SPOCK3: variants seen among roughly 807,000 people sequenced by gnomAD.
SPOCK3 encodes SPARC (osteonectin), cwcv and kazal like domains proteoglycan 3.
A neutral mutation model predicts 56.6 loss-of-function variants in SPOCK3; 30 were observed. The observed-to-expected ratio is 0.53, with a 90% CI of 0.40 to 0.72. SPOCK3 has a LOEUF of 0.72. Among genes scored for constraint, SPOCK3 ranks in the 30% least tolerant of loss-of-function variants. The probability of loss-of-function intolerance (pLI) is 0.00; values close to 1 mark genes in which losing one functional copy is unlikely to be tolerated. For synonymous variants in SPOCK3, 196 were observed against 183.3 expected, an observed-to-expected ratio of 1.07 and a Z score of -0.56; for missense variants, 527 against 530.0, an observed-to-expected ratio of 0.99 and a Z score of 0.06.
intron 6 of SPOCK3, among the ~76,000 whole-genome samples, chr4:166,809,686 T>G (rs1322059618): frequency 1.3e-5 from 2 of 152,082 alleles, no homozygotes; most frequent in Non-Finnish European, 2.9e-5. Flanking sequence ...TATGTTGATA[T>G]AATAATCAAC....
rs556824725 is a variant in SPOCK3 at position 166,964,862 on chromosome 4, A to C, written c.350+35487T>G. The stretch of plus-strand genomic sequence containing the variant: ...TATTTTTAAGCTGTCATCAGTAATA[A>C]ATATATATTAACTAAAAATAATTTG... On this transcript the variant is annotated intron_variant, in intron 4 of 10. Transcript: ENST00000357545. Among the ~76,000 whole-genome samples, 273 of 151,838 alleles carry C rather than the reference A, an allele frequency of 1.8e-3. 11 individuals are homozygous for C. In the South Asian group the frequency reaches 0.055, roughly 30 times the overall value.
intron 5 of SPOCK3, among the ~76,000 whole-genome samples, chr4:166,892,450 T>C (rs1734880245): frequency 1.3e-5 from 2 of 152,012 alleles, no homozygotes; most frequent in Non-Finnish European, 2.9e-5. Context: ...TATTTACTTA[T>C]GAATTAAAAT....
At chr4:167,034,472 G>T (rs1349007162) in intron 3 of SPOCK3, among the ~76,000 whole-genome samples, 1 of 151,996 alleles carries the variant, frequency 6.6e-6, no homozygotes, top group African/African-American at 2.4e-5. Context: ...AGATTTAAAA[G>T]CACAGTTTGA....
chr4:166,817,100 G>A (rs972209115), intron 6 of SPOCK3, among the ~76,000 whole-genome samples: 1 of 152,044 alleles, frequency 6.6e-6, no homozygotes, highest in African/African-American at 2.4e-5. Flanking sequence ...GACAGGAGCA[G>A]TCAGAGGATA....
At chr4:166,849,415 C>G (rs1220936984) in intron 6 of SPOCK3, among the ~76,000 whole-genome samples, 1 of 150,906 alleles carries the variant, frequency 6.6e-6, no homozygotes, top group Non-Finnish European at 1.5e-5. Context: ...TTTTTTTTGT[C>G]ATTAAAAGTA....
At chr4:166,898,623 G>C (rs1005764216) in intron 5 of SPOCK3, among the ~76,000 whole-genome samples, 10 of 152,112 alleles carry the variant, frequency 6.6e-5, no homozygotes, top group Admixed American at 6.6e-4. Context: ...TTCCACATCT[G>C]AATTCACATT....
intron 3 of SPOCK3, among the ~76,000 whole-genome samples, chr4:167,026,804 A>G (rs1751734119): frequency 6.6e-6 from 1 of 151,098 alleles, no homozygotes; most frequent in Non-Finnish European, 1.5e-5. Context: ...TTGAAAAGTA[A>G]GTTCTGGCAT....
intron 2 of SPOCK3, among the ~76,000 whole-genome samples, chr4:167,190,492 G>A (rs1287850832): frequency 1.4e-5 from 2 of 146,166 alleles, no homozygotes; most frequent in East Asian, 2.1e-4. Flanking sequence ...TGAGTTGCAT[G>A]CATTCTTTAC....
intron 6 of SPOCK3, among the ~76,000 whole-genome samples, chr4:166,860,387 A>C (rs531395609): frequency 6.6e-6 from 1 of 152,196 alleles, no homozygotes; most frequent in Non-Finnish European, 1.5e-5. Flanking sequence ...AGAATTTTTT[A>C]CACCACTGTG....
At chr4:166,989,905 C>T (rs1373809103) in intron 4 of SPOCK3, among the ~76,000 whole-genome samples, 1 of 152,098 alleles carries the variant, frequency 6.6e-6, no homozygotes. Flanking sequence ...TTCATTATAT[C>T]TTGTGATTAT....
intron 3 of SPOCK3, among the ~76,000 whole-genome samples, chr4:167,056,646 C>A (rs1292522777): frequency 6.6e-6 from 1 of 152,090 alleles, no homozygotes; most frequent in Admixed American, 6.5e-5. Flanking sequence ...AATGCAGAAG[C>A]CTCAGGAGCC....
At chr4:166,963,567 A>C (rs931458279) in intron 4 of SPOCK3, among the ~76,000 whole-genome samples, 2 of 152,016 alleles carry the variant, frequency 1.3e-5, no homozygotes, top group Non-Finnish European at 1.5e-5. Flanking sequence ...AAAATTCATT[A>C]ACTTAAGCAC....
chr4:166,963,432 T>C (rs753199690), intron 4 of SPOCK3, among the ~76,000 whole-genome samples: 4 of 152,010 alleles, frequency 2.6e-5, no homozygotes, highest in African/African-American at 7.2e-5. Context: ...TTATTTTCTG[T>C]CAGTTAGAAT....
rs150067862 is a variant in SPOCK3, at chr4:167,104,602, C to G, written c.190-42065G>C. 7.1e-3 allele frequency among the ~76,000 whole-genome samples: 1,071 copies of G among 151,690 alleles called. 18 individuals are homozygous for G. Among genetic ancestry groups the G allele is most frequent in the African/African-American group, 0.024 (1,010 of 41,360 alleles). ...CCTACAAGATCTAGAAAATAGACAA[C>G]AAAGGACAAATCTAAGAGTTATTGC... On this transcript the variant is annotated intron_variant, in intron 2 of 10. Transcript: ENST00000357545.
chr4:166,954,450 A>T (rs1743132729), intron 4 of SPOCK3, among the ~76,000 whole-genome samples: 1 of 152,052 alleles, frequency 6.6e-6, no homozygotes, highest in Non-Finnish European at 1.5e-5. Context: ...CTTACATTTC[A>T]GTCTTTATCC....
chr4:167,133,917 T>C (rs1028193435), intron 2 of SPOCK3, among the ~76,000 whole-genome samples: 1 of 152,200 alleles, frequency 6.6e-6, no homozygotes, highest in Admixed American at 6.5e-5. Flanking sequence ...TCTGTTGTTC[T>C]TCAAAATAAG....
intron 4 of SPOCK3, among the ~76,000 whole-genome samples, chr4:166,974,637 T>A (rs1424161803): frequency 6.6e-6 from 1 of 152,206 alleles, no homozygotes; most frequent in Non-Finnish European, 1.5e-5. Context: ...CCAAGTTTTC[T>A]TAAACTCTCA....
At chr4:167,179,986 G>A (rs1731307283) in intron 2 of SPOCK3, among the ~76,000 whole-genome samples, 1 of 152,152 alleles carries the variant, frequency 6.6e-6, no homozygotes, top group Non-Finnish European at 1.5e-5. Context: ...ATGCCCCAAA[G>A]AAGTTATACT....
chr4:167,148,840 G>A (rs1308658584), intron 2 of SPOCK3, among the ~76,000 whole-genome samples: 1 of 151,882 alleles, frequency 6.6e-6, no homozygotes, highest in Non-Finnish European at 1.5e-5. Flanking sequence ...AATTTGCAAG[G>A]CAAAGTGAAC....
Sources: gnomAD v4.1 joint callset for allele counts (sites outside exome capture counted in the v4.1 genomes callset) on GRCh38, gnomAD v4.1.1 for gene constraint, MANE v1.5 for transcripts, NCBI Gene and HGNC (gene_info 2026-07-23, HGNC 2026-07-21) for gene names.